The following AGBL1 variants were observed in gnomAD, a reference collection of about 807,000 sequenced individuals.
The protein encoded by AGBL1 is cytosolic carboxypeptidase 4.
AGBL1 carries 130 observed loss-of-function variants against 118.9 expected under a neutral mutation model. That is an observed-to-expected ratio of 1.09 (90% confidence interval 0.95 to 1.26). The LOEUF is 1.26. Ranked by LOEUF, AGBL1 falls within the 50% of genes most tolerant of loss-of-function variation. The pLI, the probability that AGBL1 is intolerant of heterozygous loss-of-function variation, is 0.00. For synonymous variants in AGBL1, 555 were observed against 478.9 expected, an observed-to-expected ratio of 1.16 and a Z score of -2.08; for missense variants, 1,584 against 1,298.1, an observed-to-expected ratio of 1.22 and a Z score of -3.38.
At chr15:86,940,735 G>A (rs1047073434) in intron 23 of AGBL1, among the ~76,000 whole-genome samples, 9 of 152,188 alleles carry the variant, frequency 5.9e-5, no homozygotes, top group Non-Finnish European at 1.5e-5. Flanking sequence ...TTCAATTGGC[G>A]TGGTAATGAA....
chr15:86,478,140 A>G (rs1053603541), intron 18 of AGBL1, among the ~76,000 whole-genome samples: 1 of 152,194 alleles, frequency 6.6e-6, no homozygotes, highest in African/African-American at 2.4e-5. Context: ...GAATGGGCAA[A>G]AACTGGAAGC....
At chr15:86,364,593 A>G (rs1008604420) in intron 17 of AGBL1, among the ~76,000 whole-genome samples, 1 of 151,502 alleles carries the variant, frequency 6.6e-6, no homozygotes, top group African/African-American at 2.4e-5. Flanking sequence ...TTTCCTACAG[A>G]CTCTTTACTG....
Position 86,266,381 on chromosome 15 carries a change from A to T in AGBL1, c.1675A>T (p.Ile559Leu), listed in dbSNP as rs1451061018. 1 of 1,575,782 alleles carries T rather than the reference A, an allele frequency of 6.3e-7. No homozygotes were observed. The highest frequency in any genetic ancestry group is 1.8e-5 in the Admixed American group (1 of 54,254). ...TTCAATTTTCTTTTTCAGGATCAGG[A>T]TATTTGAGGATATTCGGAGGCTCAT... ...ERKCGVQRIR[I>L]FEDIRRLIQP... Residue 559 changes from isoleucine (I) to leucine (L), a missense_variant, in exon 12 of 23, where the codon ATA becomes TTA. Coordinates refer to ENST00000614907, the MANE Select transcript of AGBL1 (RefSeq NM_001386094.1).
intron 23 of AGBL1, among the ~76,000 whole-genome samples, chr15:86,960,107 G>T: frequency 6.6e-6 from 1 of 152,202 alleles, no homozygotes; most frequent in Admixed American, 6.5e-5. Flanking sequence ...GAAAACAAAT[G>T]AAAATGTAAC....
chr15:86,673,982 G>C (rs2085791527), intron 21 of AGBL1, among the ~76,000 whole-genome samples: 1 of 152,018 alleles, frequency 6.6e-6, no homozygotes, highest in South Asian at 2.1e-4. Context: ...GTGTGGGAAG[G>C]GTACAGATTC....
At chr15:86,231,346 G>C (rs945555310) in intron 6 of AGBL1, among the ~76,000 whole-genome samples, 2 of 152,244 alleles carry the variant, frequency 1.3e-5, no homozygotes, top group African/African-American at 2.4e-5. Context: ...GAAGAGTCCA[G>C]CCTAATTCCC....
chr15:86,597,242 G>T (rs918287396), intron 21 of AGBL1, among the ~76,000 whole-genome samples: 2 of 151,814 alleles, frequency 1.3e-5, no homozygotes, highest in Non-Finnish European at 2.9e-5. Flanking sequence ...ATCTGTTTTT[G>T]AGCATTTACT....
rs964749963 is a variant in AGBL1 at position 86,851,936 on chromosome 15, A to T, written c.3159-55151A>T. Among the ~76,000 whole-genome samples, 80 of 152,078 alleles carry T rather than the reference A, an allele frequency of 5.3e-4. 2 individuals carry two copies. The East Asian group carries it at 0.014, about 27-fold the overall frequency. Reference sequence around the variant, plus strand: ...CAGCAGTGGCAGGTTTTTATTTTTTATTTTTTATTGTTTAGTTGTAAAAAG... The same window carrying T: ...CAGCAGTGGCAGGTTTTTATTTTTTTTTTTTTATTGTTTAGTTGTAAAAAG... On this transcript the variant is annotated intron_variant, in intron 22 of 22. Transcript: ENST00000614907.
rs182669495 is a variant in AGBL1 at position 86,911,931 on chromosome 15, A to G, written c.*4637A>G. 2.0e-5 allele frequency: 3 copies of G among 152,202 alleles called. No homozygotes were observed. The highest frequency in any genetic ancestry group is 7.2e-5 in the African/African-American group (3 of 41,520). 9.4% of individuals were successfully genotyped at this position (152,202 alleles called of 1,614,324 possible). On this transcript the variant is annotated 3_prime_UTR_variant, in exon 23 of 23. Coordinates refer to ENST00000614907, the MANE Select transcript of AGBL1 (RefSeq NM_001386094.1). The stretch of plus-strand genomic sequence containing the variant: ...TTTTATACCCACACCCCCATTCACC[A>G]TTGAATAGTGAGCTCTAAAGTGCAC...
At chr15:86,870,454 CA>C (rs770556494) in intron 22 of AGBL1, among the ~76,000 whole-genome samples, 7 of 64,112 alleles carry the variant, frequency 1.1e-4, no homozygotes, top group African/African-American at 1.5e-4. Context: ...AAGCATACTG[CA>C]AAAAAAAAAA....
intron 24 of AGBL1, among the ~76,000 whole-genome samples, chr15:87,012,384 T>C (rs1355592082): frequency 2.6e-5 from 4 of 152,212 alleles, no homozygotes; most frequent in African/African-American, 9.6e-5. Context: ...AGGATTATAC[T>C]TGTAAATGTT....
chr15:86,302,306 A>C lies in AGBL1; in HGVS notation c.2374+6898A>C, dbSNP rs181665476. Among the ~76,000 whole-genome samples the C allele has an allele frequency of 2.6e-5, 4 of 152,288 alleles. No individual in the cohort carries two copies. In the East Asian group the frequency reaches 7.7e-4, roughly 29 times the overall value. On this transcript the variant is annotated intron_variant, in intron 17 of 22. Transcript: ENST00000614907. ...GGTTCTTATAATTATCTTATGAATT[A>C]AGAAAGACAGTAATTATTACACCTA...
chr15:86,186,412 A>G (rs1036060471), intron 5 of AGBL1, among the ~76,000 whole-genome samples: 3 of 152,260 alleles, frequency 2.0e-5, no homozygotes, highest in Admixed American at 6.5e-5. Context: ...ATGCATTCCA[A>G]CACAAGTCTC....
chr15:86,647,676 G>A (rs2085306778), intron 21 of AGBL1, among the ~76,000 whole-genome samples: 1 of 152,156 alleles, frequency 6.6e-6, no homozygotes, highest in Non-Finnish European at 1.5e-5. Context: ...ACTCCAGCCT[G>A]GGTGACAGAG....
intron 17 of AGBL1, chr15:86,296,241 A>C (rs2079638807): frequency 6.6e-6 from 1 of 152,106 alleles, no homozygotes; most frequent in East Asian, 1.9e-4. Flanking sequence ...AAAAAAACAA[A>C]AAAAAAACAC....
At chr15:87,025,081 G>A (rs2081711894) in intron 24 of AGBL1, among the ~76,000 whole-genome samples, 1 of 151,926 alleles carries the variant, frequency 6.6e-6, no homozygotes, top group South Asian at 2.1e-4. Context: ...AGTCAATGAT[G>A]GCCACTCTCA....
chr15:86,726,272 A>G (rs1329841276), intron 22 of AGBL1, among the ~76,000 whole-genome samples: 1 of 152,176 alleles, frequency 6.6e-6, no homozygotes, highest in African/African-American at 2.4e-5. Flanking sequence ...TCAGTGACAG[A>G]TGCAAGATCT....
intron 3 of AGBL1, among the ~76,000 whole-genome samples, chr15:86,145,316 A>G (rs912543163): frequency 1.3e-5 from 2 of 152,186 alleles, no homozygotes; most frequent in Admixed American, 1.3e-4. Context: ...AGTTCTTTCC[A>G]TTTAGGCTCC....
intron 23 of AGBL1, among the ~76,000 whole-genome samples, chr15:86,933,816 A>G (rs1465220512): frequency 6.6e-6 from 1 of 152,240 alleles, no homozygotes; most frequent in Non-Finnish European, 1.5e-5. Context: ...TGCAATGCAT[A>G]TAACATAGGC....
Sources: gnomAD v4.1 joint callset for allele counts (sites outside exome capture counted in the v4.1 genomes callset) on GRCh38, gnomAD v4.1.1 for gene constraint, MANE v1.5 for transcripts, NCBI Gene and HGNC (gene_info 2026-07-23, HGNC 2026-07-21) for gene names.